Variants in CYP2C19 observed in about 807,000 individuals in gnomAD.
CYP2C19 encodes the protein cytochrome P450 2C19.
Under a neutral mutation model 40.9 loss-of-function variants are expected in CYP2C19, and 59 were observed. The observed-to-expected ratio is 1.44, with a 90% CI of 1.17 to 1.79. The LOEUF (loss-of-function observed/expected upper bound fraction) is 1.79. Among genes scored for constraint, CYP2C19 ranks in the 40% most tolerant of loss-of-function variants. The pLI, the probability that CYP2C19 is intolerant of heterozygous loss-of-function variation, is 0.00. For missense variants in CYP2C19, 754 were observed against 596.9 expected (o/e 1.26, Z -2.74); for synonymous variants, 253 against 208.7 (o/e 1.21, Z -1.83).
rs141774245 is a variant in CYP2C19 at position 94,775,432 on chromosome 10, G to A, written c.374G>A (p.Arg125His). The change falls in exon 3 of 9, where the codon CGT becomes CAT. Residue 125 changes from arginine (R) to histidine (H), a missense_variant. Transcript: ENST00000371321. Reference protein sequence around the residue: ...SNGKRWKEIRRFSLMTLRNFG... With the variant: ...SNGKRWKEIRHFSLMTLRNFG... ...GGAAAGAGATGGAAGGAGATCCGGC[G>A]TTTCTCCCTCATGACGCTGCGGAAT... 519 of 1,614,050 alleles carry A rather than the reference G, an allele frequency of 3.2e-4. 1 individual carries two copies. Among genetic ancestry groups the A allele is most frequent in the Non-Finnish European group, 3.8e-4 (454 of 1,180,018 alleles).
intron 6 of CYP2C19, among the ~76,000 whole-genome samples, chr10:94,834,415 C>T (rs1849370919): frequency 6.6e-6 from 1 of 151,840 alleles, no homozygotes; most frequent in East Asian, 1.9e-4. Flanking sequence ...AAAAACTTGT[C>T]AATTTTGTTT....
Position 94,820,675 on chromosome 10 carries a change from A to C in CYP2C19, c.961+38A>C, listed in dbSNP as rs760746367. 13 of 1,613,428 alleles carry C rather than the reference A, an allele frequency of 8.1e-6. No homozygotes were observed. The Admixed American group carries it at 2.0e-4, about 25-fold the overall frequency. On this transcript the variant is annotated intron_variant, in intron 6 of 8. Transcript: ENST00000371321. ...AGGATGAGTTAATTGAGTTTTAGGA[A>C]AGATGTTGGGAAGGTGCTGCTAGTG...
At chr10:94,794,694 G>A (rs1848657742) in intron 5 of CYP2C19, among the ~76,000 whole-genome samples, 1 of 151,938 alleles carries the variant, frequency 6.6e-6, no homozygotes, top group African/African-American at 2.4e-5. Context: ...TCATGATTTG[G>A]CTCTCTGTTT....
intron 5 of CYP2C19, among the ~76,000 whole-genome samples, chr10:94,782,913 A>G (rs1056421457): frequency 6.6e-6 from 1 of 152,114 alleles, no homozygotes; most frequent in Non-Finnish European, 1.5e-5. Flanking sequence ...GAACAATGAG[A>G]ACACATAGAC....
chr10:94,807,179 G>A (rs374723666), intron 5 of CYP2C19, among the ~76,000 whole-genome samples: 26 of 152,134 alleles, frequency 1.7e-4, no homozygotes, highest in African/African-American at 6.3e-4. Flanking sequence ...TTAACATAAT[G>A]TCTTCTAATC....
chr10:94,766,071 A>T (rs1848238021), intron 1 of CYP2C19, among the ~76,000 whole-genome samples: 1 of 152,260 alleles, frequency 6.6e-6, no homozygotes, highest in South Asian at 2.1e-4. Context: ...AAGTCAGCTA[A>T]TGATTGCATA....
chr10:94,776,533 A>G (rs1848409875), intron 3 of CYP2C19: 2 of 152,184 alleles, frequency 1.3e-5, no homozygotes, highest in South Asian at 4.1e-4. Flanking sequence ...ACACACACTC[A>G]ACAGACTTCC....
intron 7 of CYP2C19, among the ~76,000 whole-genome samples, chr10:94,844,232 A>G (rs892468622): frequency 2.0e-5 from 3 of 152,224 alleles, no homozygotes; most frequent in Non-Finnish European, 4.4e-5. Context: ...TTGGTTAAAT[A>G]CCAGATGTTA....
intron 6 of CYP2C19, among the ~76,000 whole-genome samples, chr10:94,834,712 T>C (rs892510571): frequency 4.6e-5 from 7 of 152,214 alleles, no homozygotes; most frequent in African/African-American, 1.7e-4. Context: ...CAGCAGATGA[T>C]TGGCTATTTC....
intron 8 of CYP2C19, among the ~76,000 whole-genome samples, chr10:94,852,204 A>G (rs1849663858): frequency 6.6e-6 from 1 of 151,982 alleles, no homozygotes. Context: ...ATCTTATCCC[A>G]TAGGACAGAC....
chr10:94,809,404 T>G (rs1413097813), intron 5 of CYP2C19, among the ~76,000 whole-genome samples: 1 of 152,150 alleles, frequency 6.6e-6, no homozygotes, highest in Non-Finnish European at 1.5e-5. Flanking sequence ...ACTTTATTGA[T>G]TGTGTCCTTT....
intron 3 of CYP2C19, among the ~76,000 whole-genome samples, chr10:94,778,128 C>A (rs1486297649): frequency 1.3e-5 from 2 of 152,148 alleles, no homozygotes; most frequent in South Asian, 2.1e-4. Context: ...TTATTCAGTG[C>A]AGGCACAATG....
At chr10:94,848,371 A>G (rs1388075046) in intron 7 of CYP2C19, among the ~76,000 whole-genome samples, 3 of 152,174 alleles carry the variant, frequency 2.0e-5, no homozygotes, top group African/African-American at 7.2e-5. Flanking sequence ...CAAGTTTGTC[A>G]AAGATCAGAT....
At chr10:94,778,106 A>T (rs61886222) in intron 3 of CYP2C19, among the ~76,000 whole-genome samples, 13,489 of 152,182 alleles carry the variant, frequency 0.089, 787 homozygotes, top group Middle Eastern at 0.14. Flanking sequence ...GAGAAGCTGG[A>T]GCTGCATGTT....
chr10:94,770,399 C>A (rs916956794), intron 1 of CYP2C19, among the ~76,000 whole-genome samples: 1 of 152,150 alleles, frequency 6.6e-6, no homozygotes, highest in Non-Finnish European at 1.5e-5. Context: ...GATTGGCCTG[C>A]TATTTTCTGT....
chr10:94,768,401 T>A (rs1848277923), intron 1 of CYP2C19, among the ~76,000 whole-genome samples: 1 of 152,182 alleles, frequency 6.6e-6, no homozygotes. Context: ...AGAGGTCATC[T>A]CAGGTGGCAT....
chr10:94,813,745 G>T (rs995971339), intron 5 of CYP2C19, among the ~76,000 whole-genome samples: 2 of 151,020 alleles, frequency 1.3e-5, no homozygotes, highest in African/African-American at 4.9e-5. Flanking sequence ...GATCCCCTGA[G>T]CTAGATCTCT....
chr10:94,850,874 T>C (rs17878382), intron 8 of CYP2C19, among the ~76,000 whole-genome samples: 7,249 of 152,258 alleles, frequency 0.048, 232 homozygotes, highest in South Asian at 0.11. Context: ...CCATGCTCTT[T>C]CCCTAGTCAT....
intron 5 of CYP2C19, among the ~76,000 whole-genome samples, chr10:94,795,338 CT>C (rs1253440884): frequency 2.6e-5 from 4 of 151,802 alleles, no homozygotes; most frequent in African/African-American, 9.7e-5. Flanking sequence ...TGAACTCATC[CT>C]TTTTTAAGGC....
Sources: gnomAD v4.1 joint callset for allele counts (sites outside exome capture counted in the v4.1 genomes callset) on GRCh38, gnomAD v4.1.1 for gene constraint, MANE v1.5 for transcripts, NCBI Gene and HGNC (gene_info 2026-07-23, HGNC 2026-07-21) for gene names.